Variants in HTR1F observed in about 807,000 individuals in gnomAD.
HTR1F encodes 5-hydroxytryptamine (serotonin) receptor 1F, G protein-coupled.
In HTR1F, 17 loss-of-function variants were observed where a neutral mutation model predicts 24.0. The ratio of observed to expected loss-of-function variants is 0.71; its 90% CI spans 0.48 to 1.06. The LOEUF (loss-of-function observed/expected upper bound fraction) is 1.06. Ranked by LOEUF, HTR1F falls within the 50% of genes least tolerant of loss-of-function variation. HTR1F has a pLI of 0.00. For missense variants in HTR1F, 391 were observed against 427.8 expected (o/e 0.91, Z 0.76); for synonymous variants, 186 against 156.8 (o/e 1.19, Z -1.39).
intron 2 of HTR1F, 109 bp from the exon 3 acceptor site, chr3:87,990,599 T>C (rs1448081568): frequency 1.7e-6 from 1 of 593,438 alleles, no homozygotes; most frequent in Non-Finnish European, 2.9e-6. Flanking sequence ...TTTTAATCTA[T>C]AGAATATTCT....
At chr3:87,815,842 C>G (rs956308546) in intron 1 of HTR1F, among the ~76,000 whole-genome samples, 1 of 152,086 alleles carries the variant, frequency 6.6e-6, no homozygotes, top group African/African-American at 2.4e-5. Context: ...TGACACCCAG[C>G]TCCCAGCATT....
At chr3:87,922,145 C>T (rs912250771) in intron 2 of HTR1F, among the ~76,000 whole-genome samples, 1 of 151,966 alleles carries the variant, frequency 6.6e-6, no homozygotes, top group Non-Finnish European at 1.5e-5. Context: ...TTTCTACCTG[C>T]AATGTATAAG....
chr3:87,838,608 T>C (rs1704731816), intron 2 of HTR1F, among the ~76,000 whole-genome samples: 1 of 152,120 alleles, frequency 6.6e-6, no homozygotes, highest in African/African-American at 2.4e-5. Context: ...TTTTGTTGCA[T>C]TGTAGCTGAA....
intron 2 of HTR1F, among the ~76,000 whole-genome samples, chr3:87,924,974 ATTTT>A (rs879317022): frequency 1.3e-5 from 2 of 150,246 alleles, no homozygotes; most frequent in African/African-American, 4.9e-5. Context: ...ACTTTCTTAA[ATTTT>A]TTTTTTATTT....
At chr3:87,813,620 G>A (rs1388597924) in intron 1 of HTR1F, among the ~76,000 whole-genome samples, 3 of 152,132 alleles carry the variant, frequency 2.0e-5, no homozygotes, top group Admixed American at 2.0e-4. Flanking sequence ...GAATGATATT[G>A]TTTGGCTCTG....
chr3:87,978,910 A>AAGGG (rs1705460982), intron 2 of HTR1F, among the ~76,000 whole-genome samples: 1 of 103,122 alleles, frequency 9.7e-6, no homozygotes, highest in Non-Finnish European at 2.0e-5. Context: ...GGAAGGAAGG[A>AAGGG]AGGAAGGAAG....
chr3:87,841,368 TAATC>T (rs1464811767), intron 2 of HTR1F, among the ~76,000 whole-genome samples: 2 of 151,906 alleles, frequency 1.3e-5, no homozygotes, highest in Non-Finnish European at 2.9e-5. Context: ...TTCCCATTAT[TAATC>T]AATCCTTTTA....
At chr3:87,962,893 G>C (rs1271366920) in intron 2 of HTR1F, among the ~76,000 whole-genome samples, 1 of 151,794 alleles carries the variant, frequency 6.6e-6, no homozygotes, top group African/African-American at 2.4e-5. Flanking sequence ...TTCTCTCTTT[G>C]GTTGTAGTTT....
chr3:87,889,374 T>C (rs1706029131), intron 2 of HTR1F, among the ~76,000 whole-genome samples: 1 of 152,194 alleles, frequency 6.6e-6, no homozygotes, highest in Non-Finnish European at 1.5e-5. Context: ...ATATATTTCA[T>C]CTTATCACCT....
chr3:87,921,871 C>T (rs887065435), intron 2 of HTR1F, among the ~76,000 whole-genome samples: 2 of 151,806 alleles, frequency 1.3e-5, no homozygotes, highest in Non-Finnish European at 2.9e-5. Flanking sequence ...AAGGTTTATC[C>T]ATGTTGCCAA....
intron 2 of HTR1F, among the ~76,000 whole-genome samples, chr3:87,832,620 G>A (rs1487514730): frequency 2.6e-5 from 4 of 152,098 alleles, no homozygotes; most frequent in South Asian, 2.1e-4. Flanking sequence ...GAGCCACCGC[G>A]CCCAGCCAGA....
chr3:87,870,226 T>A (rs1454418397), intron 2 of HTR1F, among the ~76,000 whole-genome samples: 2 of 152,014 alleles, frequency 1.3e-5, no homozygotes, highest in Non-Finnish European at 2.9e-5. Context: ...GGAGTAAGAT[T>A]CATTGTCAAA....
chr3:87,909,369 A>G (rs1038694588), intron 2 of HTR1F, among the ~76,000 whole-genome samples: 6 of 152,084 alleles, frequency 3.9e-5, no homozygotes, highest in African/African-American at 1.2e-4. Flanking sequence ...TAATTACAAA[A>G]TCTTTCTTCA....
At chr3:87,811,424 T>C (rs373119929) in intron 1 of HTR1F, among the ~76,000 whole-genome samples, 3 of 152,216 alleles carry the variant, frequency 2.0e-5, no homozygotes, top group Non-Finnish European at 4.4e-5. Context: ...ATTAATGGGC[T>C]TTATTTTTAA....
In HTR1F at chr3:87,835,343, A is replaced by T. The variant is rs563563582; in HGVS notation, c.-43+13219A>T. Among the ~76,000 whole-genome samples the T allele has an allele frequency of 4.0e-5, 6 of 151,238 alleles. No homozygotes were observed. The South Asian group carries it at 1.3e-3, about 32-fold the overall frequency. On this transcript the variant is annotated intron_variant, in intron 2 of 2. Coordinates refer to ENST00000319595, the MANE Select transcript of HTR1F (RefSeq NM_001322209.2). ...CTAAATATGGAGATGGCATATAAATACAAAACTAAAATGACTAAGAATCTC... is the reference window on the plus strand; with the variant it reads ...CTAAATATGGAGATGGCATATAAATTCAAAACTAAAATGACTAAGAATCTC...
At chr3:87,942,052 A>G (rs549514164) in intron 2 of HTR1F, among the ~76,000 whole-genome samples, 1 of 152,168 alleles carries the variant, frequency 6.6e-6, no homozygotes, top group South Asian at 2.1e-4. Context: ...CAAGATGGGC[A>G]TTCTTTGCTC....
At chr3:87,863,926 G>C (rs951049096) in intron 2 of HTR1F, among the ~76,000 whole-genome samples, 3 of 152,196 alleles carry the variant, frequency 2.0e-5, no homozygotes, top group Admixed American at 6.5e-5. Context: ...CTTTTCTGAA[G>C]ACCTTCAACC....
chr3:87,818,174 G>T (rs987498313), intron 1 of HTR1F, among the ~76,000 whole-genome samples: 7 of 152,116 alleles, frequency 4.6e-5, no homozygotes, highest in African/African-American at 1.7e-4. Context: ...CATACAACCT[G>T]CAAAGAGCTG....
At chr3:87,827,747 C>T (rs1165969750) in intron 2 of HTR1F, among the ~76,000 whole-genome samples, 1 of 152,068 alleles carries the variant, frequency 6.6e-6, no homozygotes, top group Non-Finnish European at 1.5e-5. Context: ...CAAGTTGGTG[C>T]CAAAAAACAT....
Sources: allele counts gnomAD v4.1 joint callset (sites outside exome capture counted in the v4.1 genomes callset), GRCh38; gene constraint gnomAD v4.1.1; transcripts MANE v1.5; gene names NCBI Gene and HGNC (gene_info 2026-07-23, HGNC 2026-07-21).